The following FAT3 variants were observed in gnomAD, a reference collection of about 807,000 sequenced individuals.
FAT3 encodes FAT atypical cadherin 3, also known as protocadherin Fat 3.
A neutral mutation model predicts 310.2 loss-of-function variants in FAT3; 95 were observed. The observed-to-expected ratio is 0.31, with a 90% CI of 0.26 to 0.36. The LOEUF is 0.36. Among genes scored for constraint, FAT3 ranks in the 10% least tolerant of loss-of-function variants. The pLI is 1.00. For missense variants in FAT3, 5,408 were observed against 5,715.6 expected, an observed-to-expected ratio of 0.95 and a Z score of 1.74; for synonymous variants, 2,314 against 2,192.9, an observed-to-expected ratio of 1.06 and a Z score of -1.54.
Position 92,806,342 on chromosome 11 carries a change from C to G in FAT3, c.9094-20C>G. The G allele has an allele frequency of 6.3e-7, 1 of 1,583,756 alleles. No individual in the cohort carries two copies. The highest frequency in any genetic ancestry group is 8.6e-7 in the Non-Finnish European group (1 of 1,164,270). On this transcript the variant is annotated intron_variant, in intron 11 of 27. Transcript: ENST00000525166. ...CCACAAATACTAATGATTTTATTAC[C>G]TTTCTTCACCTTTGTCCAGGTTGCA...
At chr11:92,277,643 G>A (rs1946308720) in intron 1 of FAT3, among the ~76,000 whole-genome samples, 1 of 152,072 alleles carries the variant, frequency 6.6e-6, no homozygotes, top group Non-Finnish European at 1.5e-5. Context: ...CTTGTAAGTG[G>A]TAGCATTGGG....
intron 3 of FAT3, among the ~76,000 whole-genome samples, chr11:92,583,218 T>A (rs1189798189): frequency 6.6e-6 from 1 of 152,050 alleles, no homozygotes; most frequent in Non-Finnish European, 1.5e-5. Context: ...GGGAGGGGAC[T>A]TGGAATATTG....
chr11:92,890,476 G>A lies in FAT3; in HGVS notation c.13148-15G>A, dbSNP rs1177450529. 23 of 1,597,496 alleles carry A rather than the reference G, an allele frequency of 1.4e-5. No individual in the cohort carries two copies. Among genetic ancestry groups the A allele is most frequent in the Non-Finnish European group, 1.9e-5 (22 of 1,171,042 alleles). ...AGTCTAGAGGAAATTAACTGTCATG[G>A]TTTTTCTCTTGCAGCCTATCACTGG... On this transcript the variant is annotated splice_polypyrimidine_tract_variant and intron_variant, in intron 27 of 27. Coordinates refer to ENST00000525166, the MANE Select transcript of FAT3 (RefSeq NM_001367949.2).
intron 1 of FAT3, among the ~76,000 whole-genome samples, chr11:92,343,596 T>G (rs758233277): frequency 3.3e-5 from 5 of 152,236 alleles, no homozygotes; most frequent in Non-Finnish European, 5.9e-5. Context: ...GATTCTTCTC[T>G]TCGTGTTAGA....
chr11:92,458,269 T>G (rs1161604672), intron 2 of FAT3, among the ~76,000 whole-genome samples: 1 of 152,208 alleles, frequency 6.6e-6, no homozygotes, highest in Non-Finnish European at 1.5e-5. Context: ...GGCTAACTGA[T>G]AAATAATAAA....
intron 4 of FAT3, 83 bp downstream of exon 4, chr11:92,697,528 A>C (rs559947043): frequency 7.8e-7 from 1 of 1,285,294 alleles, no homozygotes; most frequent in East Asian, 2.3e-5. Flanking sequence ...TACACCTTCA[A>C]TATATTTGAA....
At chr11:92,484,379 T>C (rs941510101) in intron 2 of FAT3, among the ~76,000 whole-genome samples, 2 of 152,182 alleles carry the variant, frequency 1.3e-5, no homozygotes, top group Non-Finnish European at 2.9e-5. Flanking sequence ...TTTGACTATA[T>C]TATAAGTAAA....
At chr11:92,589,418 A>G (rs1279944751) in intron 3 of FAT3, among the ~76,000 whole-genome samples, 2 of 152,128 alleles carry the variant, frequency 1.3e-5, no homozygotes, top group East Asian at 1.9e-4. Flanking sequence ...CAAAGGACAC[A>G]TGACTAGCAC....
intron 2 of FAT3, among the ~76,000 whole-genome samples, chr11:92,514,643 G>T (rs917937549): frequency 3.9e-5 from 6 of 152,056 alleles, no homozygotes; most frequent in African/African-American, 1.4e-4. Flanking sequence ...ATGCACTTAT[G>T]AATGGACAGA....
intron 2 of FAT3, among the ~76,000 whole-genome samples, chr11:92,405,372 C>G (rs1482651612): frequency 6.6e-6 from 1 of 152,176 alleles, no homozygotes; most frequent in Non-Finnish European, 1.5e-5. Flanking sequence ...TTCTCAAGCC[C>G]TTCTCCAAAG....
chr11:92,830,587 G>T (rs897173268), intron 13 of FAT3, among the ~76,000 whole-genome samples: 8 of 151,972 alleles, frequency 5.3e-5, no homozygotes, highest in African/African-American at 1.9e-4. Context: ...CTCCAGCTTG[G>T]CCCTCTCCTC....
At chr11:92,506,800 C>CT (rs1953113799) in intron 2 of FAT3, among the ~76,000 whole-genome samples, 1 of 152,258 alleles carries the variant, frequency 6.6e-6, no homozygotes, top group Admixed American at 6.5e-5. Context: ...TGTTCTAAAA[C>CT]TAACATTGAC....
At chr11:92,826,860 G>C (rs1240463378) in intron 13 of FAT3, among the ~76,000 whole-genome samples, 1 of 152,178 alleles carries the variant, frequency 6.6e-6, no homozygotes, top group African/African-American at 2.4e-5. Flanking sequence ...CTGCAGAGAA[G>C]TCAGGGCAGC....
In FAT3 at chr11:92,798,669, G is replaced by C; in HGVS notation, c.5656G>C (p.Ala1886Pro). The C allele has an allele frequency of 1.9e-6, 3 of 1,613,662 alleles. No homozygotes were observed. Among genetic ancestry groups the C allele is most frequent in the Non-Finnish European group, 2.5e-6 (3 of 1,179,818 alleles). ...TGATAACCCACCTGTTTTTACTCAGGCTGTGTTTGAGACTATCTTACTTCT... is the reference window on the plus strand; with the variant it reads ...TGATAACCCACCTGTTTTTACTCAGCCTGTGTTTGAGACTATCTTACTTCT... ...VNDNPPVFTQ[A>P]VFETILLLPT... Residue 1886 changes from alanine to proline, a missense_variant, in exon 10 of 28, where the codon GCT becomes CCT. This residue lies in a region of FAT3 where 4,588 missense variants were observed against 4,809.8 expected (regional missense o/e 0.95). Coordinates refer to ENST00000525166, the MANE Select transcript of FAT3 (RefSeq NM_001367949.2).
At chr11:92,620,710 CTT>C (rs1941046458) in intron 3 of FAT3, among the ~76,000 whole-genome samples, 1 of 152,062 alleles carries the variant, frequency 6.6e-6, no homozygotes, top group African/African-American at 2.4e-5. Flanking sequence ...ATCAAAGACT[CTT>C]TTATTTGATT....
chr11:92,315,475 GTGTGTATATATATATA>G lies in FAT3; in HGVS notation c.-17-36619_-17-36604del, dbSNP rs1265871846. 5.2e-5 allele frequency among the ~76,000 whole-genome samples: 4 copies of G among 76,676 alleles called. No individual in the cohort carries two copies. The East Asian group carries it at 1.2e-3, about 22-fold the overall frequency. 50.3% of individuals were successfully genotyped at this position (76,676 alleles called of 152,430 possible). On this transcript the variant is annotated intron_variant, in intron 1 of 27. Coordinates refer to ENST00000525166, the MANE Select transcript of FAT3 (RefSeq NM_001367949.2). The stretch of plus-strand genomic sequence containing the variant: ...TATATATGTGTGTGTGTGTGTGTGT[GTGTGTATATATATATA>G]TATATATATATATATATATATAGAG...
chr11:92,328,144 T>C (rs1273885783), intron 1 of FAT3, among the ~76,000 whole-genome samples: 1 of 152,132 alleles, frequency 6.6e-6, no homozygotes, highest in Non-Finnish European at 1.5e-5. Flanking sequence ...GCCTGGACAT[T>C]AAGTGCTTTT....
chr11:92,334,952 T>C (rs1254832511), intron 1 of FAT3, among the ~76,000 whole-genome samples: 4 of 152,170 alleles, frequency 2.6e-5, no homozygotes, highest in Non-Finnish European at 5.9e-5. Flanking sequence ...GAAATTCTTA[T>C]CCAGAAGGGA....
intron 3 of FAT3, among the ~76,000 whole-genome samples, chr11:92,664,017 C>T (rs1942878053): frequency 6.6e-6 from 1 of 152,148 alleles, no homozygotes; most frequent in South Asian, 2.1e-4. Context: ...ACACGACCCA[C>T]CCTCCCCCAA....
Sources: gnomAD v4.1 joint callset for allele counts (sites outside exome capture counted in the v4.1 genomes callset) on GRCh38, gnomAD v4.1.1 for gene constraint, gnomAD v4.1.1 regional missense constraint, MANE v1.5 for transcripts, NCBI Gene and HGNC (gene_info 2026-07-23, HGNC 2026-07-21) for gene names.